Variants in FMN1 observed in about 807,000 individuals in gnomAD.
FMN1 encodes formin-1.
In FMN1, 110 loss-of-function variants were observed where a neutral mutation model predicts 132.4. The ratio of observed to expected loss-of-function variants is 0.83; its 90% CI spans 0.71 to 0.97. The LOEUF (loss-of-function observed/expected upper bound fraction) is 0.97. Ranked by LOEUF, FMN1 falls within the 50% of genes least tolerant of loss-of-function variation. The pLI is 0.00. For synonymous variants in FMN1, 722 were observed against 651.7 expected (o/e 1.11, Z -1.64); for missense variants, 1,792 against 1,705.3 (o/e 1.05, Z -0.90).
intron 7 of FMN1, among the ~76,000 whole-genome samples, chr15:32,976,861 CAAGAA>C (rs2032249738): frequency 6.6e-6 from 1 of 152,162 alleles, no homozygotes; most frequent in Admixed American, 6.5e-5. Context: ...TCGAGAAACA[CAAGAA>C]GAGAATCCAA....
intron 6 of FMN1, among the ~76,000 whole-genome samples, chr15:33,042,259 C>G (rs899601469): frequency 2.0e-5 from 3 of 152,104 alleles, no homozygotes; most frequent in Admixed American, 6.5e-5. Flanking sequence ...TAAAAGAAAT[C>G]TTGCAGAGGC....
In FMN1 at chr15:32,777,445, A is replaced by G. The variant is rs2056456343; in HGVS notation, c.4131-526T>C. ...TTTTTTCCATTCAAAAAATATATTTATATATTATATTTATATATTACGTAT... is the reference window on the plus strand; with the variant it reads ...TTTTTTCCATTCAAAAAATATATTTGTATATTATATTTATATATTACGTAT... On this transcript the variant is annotated intron_variant, in intron 19 of 20. Transcript: ENST00000616417. Among the ~76,000 whole-genome samples the G allele has an allele frequency of 1.7e-5, 2 of 116,428 alleles. 1 individual carries two copies. The highest frequency in any genetic ancestry group is 6.4e-5 in the African/African-American group (2 of 31,140). The allele number at this position is 116,428 out of a possible 152,430, so 76.4% of individuals were successfully genotyped here.
At chr15:33,160,766 G>A (rs1237165980) in intron 3 of FMN1, among the ~76,000 whole-genome samples, 1 of 152,150 alleles carries the variant, frequency 6.6e-6, no homozygotes, top group Non-Finnish European at 1.5e-5. Flanking sequence ...CAAGGTAAAA[G>A]CACTTTGCTT....
intron 17 of FMN1, among the ~76,000 whole-genome samples, chr15:32,840,712 G>C (rs1484379599): frequency 6.6e-6 from 1 of 152,176 alleles, no homozygotes; most frequent in East Asian, 1.9e-4. Context: ...CCAGGAGGGA[G>C]GGGAGGGTAT....
At chr15:33,128,309 G>A (rs1019312712) in intron 4 of FMN1, among the ~76,000 whole-genome samples, 7 of 152,140 alleles carry the variant, frequency 4.6e-5, no homozygotes, top group South Asian at 2.1e-4. Context: ...CTGCTGACTA[G>A]GCCCGACCAT....
intron 5 of FMN1, among the ~76,000 whole-genome samples, chr15:33,065,438 T>A (rs1395526129): frequency 6.6e-6 from 1 of 152,256 alleles, no homozygotes; most frequent in African/African-American, 2.4e-5. Context: ...TTTACCAATG[T>A]ATCCCGGGAC....
intron 3 of FMN1, among the ~76,000 whole-genome samples, chr15:33,164,154 C>T (rs1479291997): frequency 6.6e-6 from 1 of 152,132 alleles, no homozygotes; most frequent in Non-Finnish European, 1.5e-5. Flanking sequence ...TGAGATAGCA[C>T]TGAAATTGAG....
intron 5 of FMN1, chr15:33,066,961 G>GA (rs1423377028): frequency 6.2e-7 from 1 of 1,613,784 alleles, no homozygotes; most frequent in African/African-American, 1.3e-5. Flanking sequence ...GCGTCAATTT[G>GA]AGCAAAGCTA....
intron 6 of FMN1, among the ~76,000 whole-genome samples, chr15:33,041,382 T>C (rs937318248): frequency 3.6e-5 from 4 of 112,110 alleles, no homozygotes; most frequent in Admixed American, 2.2e-4. Flanking sequence ...TTGACGTTCC[T>C]CACCAGTTAA....
intron 16 of FMN1, among the ~76,000 whole-genome samples, chr15:32,879,783 A>G (rs1251134152): frequency 6.6e-6 from 1 of 152,162 alleles, no homozygotes; most frequent in Non-Finnish European, 1.5e-5. Flanking sequence ...TCAGTTCAGT[A>G]CTATTTTCAA....
chr15:32,836,051 T>C (rs906917550), intron 17 of FMN1, among the ~76,000 whole-genome samples: 2 of 151,982 alleles, frequency 1.3e-5, no homozygotes, highest in Admixed American at 6.6e-5. Flanking sequence ...TTGTAGGATG[T>C]GGCCTCCCTA....
At chr15:32,790,176 A>G (rs1052118278) in intron 19 of FMN1, among the ~76,000 whole-genome samples, 2 of 152,240 alleles carry the variant, frequency 1.3e-5, no homozygotes, top group Admixed American at 6.5e-5. Flanking sequence ...GATCCCAGGA[A>G]TAACACTGCA....
intron 8 of FMN1, among the ~76,000 whole-genome samples, chr15:32,964,585 T>C (rs1386622223): frequency 2.0e-5 from 3 of 152,150 alleles, no homozygotes; most frequent in Non-Finnish European, 4.4e-5. Context: ...CCTCAGCCTG[T>C]GGCATTTCCA....
chr15:33,141,378 A>G (rs1388585467), intron 4 of FMN1, among the ~76,000 whole-genome samples: 1 of 152,166 alleles, frequency 6.6e-6, no homozygotes, highest in Non-Finnish European at 1.5e-5. Context: ...TAATTGTCCT[A>G]GCATCATTCA....
chr15:32,959,198 C>G (rs1481753908), intron 9 of FMN1, among the ~76,000 whole-genome samples: 2 of 152,152 alleles, frequency 1.3e-5, no homozygotes, highest in Non-Finnish European at 1.5e-5. Flanking sequence ...TGGCAAGTAT[C>G]CTCCTGGTCT....
intron 9 of FMN1, among the ~76,000 whole-genome samples, chr15:32,957,816 G>C (rs949601040): frequency 7.2e-5 from 11 of 152,096 alleles, no homozygotes; most frequent in Admixed American, 6.5e-4. Flanking sequence ...GTGTGAGAAG[G>C]TTAAATGACT....
At chr15:32,851,168 G>C (rs2059000783) in intron 17 of FMN1, among the ~76,000 whole-genome samples, 1 of 152,198 alleles carries the variant, frequency 6.6e-6, no homozygotes, top group African/African-American at 2.4e-5. Context: ...GGTTCATGCA[G>C]AATCATTCAG....
intron 4 of FMN1, among the ~76,000 whole-genome samples, chr15:33,117,725 C>T (rs563903038): frequency 1.7e-4 from 26 of 152,254 alleles, no homozygotes; most frequent in African/African-American, 5.8e-4. Flanking sequence ...ATCTAGCAAA[C>T]AACATTTGTA....
chr15:33,000,575 G>C (rs1375713130), intron 7 of FMN1, among the ~76,000 whole-genome samples: 1 of 151,964 alleles, frequency 6.6e-6, no homozygotes, highest in Non-Finnish European at 1.5e-5. Context: ...GTGCCCAAGA[G>C]TTCGAGACCA....
Sources: gnomAD v4.1 joint callset for allele counts (sites outside exome capture counted in the v4.1 genomes callset) on GRCh38, gnomAD v4.1.1 for gene constraint, MANE v1.5 for transcripts, NCBI Gene and HGNC (gene_info 2026-07-23, HGNC 2026-07-21) for gene names.